Variants in LCP2 observed in about 807,000 individuals in gnomAD.
The protein encoded by LCP2 is 76 kDa tyrosine phosphoprotein.
A neutral mutation model predicts 74.5 loss-of-function variants in LCP2; 29 were observed. That is an observed-to-expected ratio of 0.39 (90% CI 0.29 to 0.53). The LOEUF is 0.53. Among genes scored for constraint, LCP2 ranks in the 20% least tolerant of loss-of-function variants. The pLI, the probability that LCP2 is intolerant of heterozygous loss-of-function variation, is 0.72. For missense variants in LCP2, 604 were observed against 634.6 expected, an observed-to-expected ratio of 0.95 and a Z score of 0.52; for synonymous variants, 228 against 229.5, an observed-to-expected ratio of 0.99 and a Z score of 0.06.
In LCP2 at chr5:170,258,434, T is replaced by C. The variant is rs571786202; in HGVS notation, c.971-268A>G. On this transcript the variant is annotated intron_variant, in intron 15 of 20. Transcript: ENST00000046794. The stretch of plus-strand genomic sequence containing the variant: ...TTGATTTTGTTTTTCATTTTTGAAA[T>C]GTTAACTTGGCAGAAAATTGTCAGC... 9 of 382,010 alleles carry C rather than the reference T, an allele frequency of 2.4e-5. No individual in the cohort carries two copies. In the East Asian group the frequency reaches 3.6e-4, roughly 15 times the overall value. The allele number at this position is 382,010 out of a possible 1,614,324, so 23.7% of individuals were successfully genotyped here.
chr5:170,267,169 T>A (rs1413045899), intron 8 of LCP2, 94 bp from the exon 9 acceptor site: 9 of 1,218,194 alleles, frequency 7.4e-6, no homozygotes, highest in Non-Finnish European at 1.1e-5. Context: ...CTTTTCCTCA[T>A]CTTCATGTTC....
Position 170,297,587 on chromosome 5 carries a change from G to T in LCP2, c.25C>A (p.Arg9Ser). The change falls in exon 1 of 21, where the codon CGC becomes AGC. Residue 9 changes from arginine (R) to serine (S), a missense_variant. Arg to Ser is a moderately radical substitution (Grantham distance 110, BLOSUM62 -1). Transcript: ENST00000046794. MALRNVPF[R>S]SEVLGWDPDS... ...GGGTCCCAGCCCAGGACCTCTGAGC[G>T]AAAGGGCACATTCCTCAGTGCCATG... 1 of 1,612,544 alleles carries T rather than the reference G, an allele frequency of 6.2e-7. No individual in the cohort carries two copies. Among genetic ancestry groups the T allele is most frequent in the Non-Finnish European group, 8.5e-7 (1 of 1,179,312 alleles).
rs1013136446 is a variant in LCP2, at chr5:170,297,462, C to T, written c.78+72G>A. On this transcript the variant is annotated intron_variant, in intron 1 of 20. Coordinates refer to ENST00000046794, the MANE Select transcript of LCP2 (RefSeq NM_005565.5). Reference sequence around the variant, plus strand: ...ACACCTCCCACATTCTGCCCCAATTCCATCGTCAAGCCTCAGCTCAGCCCA... The same window carrying T: ...ACACCTCCCACATTCTGCCCCAATTTCATCGTCAAGCCTCAGCTCAGCCCA... 28 of 1,361,178 alleles carry T rather than the reference C, an allele frequency of 2.1e-5. No homozygotes were observed. In the African/African-American group the frequency reaches 3.6e-4, roughly 17 times the overall value. The allele number at this position is 1,361,178 out of a possible 1,614,324, so 84.3% of individuals were successfully genotyped here.
chr5:170,268,407 G>C lies in LCP2; in HGVS notation c.599C>G (p.Pro200Arg), dbSNP rs572700578. 1.3e-6 allele frequency: 1 copy of C among 771,534 alleles called. No individual in the cohort carries two copies. The highest frequency in any genetic ancestry group is 1.7e-6 in the Non-Finnish European group (1 of 587,058). 47.8% of individuals were successfully genotyped at this position (771,534 alleles called of 1,614,324 possible). Residue 200 changes from proline to arginine, a missense_variant, in exon 8 of 21, where the codon CCA becomes CGA. Pro to Arg is a moderately radical substitution (Grantham distance 103, BLOSUM62 -2). Transcript: ENST00000046794. ...TACCGAGTGATTCCGGCCGGCTGGT[G>C]GGGGCGGGAGGGCGGCCATCGGTCT... ...PQRPMAALPP[P>R]PAGRNHSPLP...
chr5:170,274,171 T>A, intron 6 of LCP2, 130 bp downstream of exon 6: 1 of 953,714 alleles, frequency 1.0e-6, no homozygotes, highest in Non-Finnish European at 1.6e-6. Flanking sequence ...GAGCACCTTT[T>A]CTGGGCCCTG....
chr5:170,262,727 A>G lies in LCP2; in HGVS notation c.834T>C (p.His278=), dbSNP rs1384006882. 6.2e-7 allele frequency: 1 copy of G among 1,613,804 alleles called. No individual in the cohort carries two copies. Among genetic ancestry groups the G allele is most frequent in the Non-Finnish European group, 8.5e-7 (1 of 1,179,828 alleles). Reference sequence around the variant, plus strand: ...AAGGAGGCTTTTGAATCTTGGGTAAATGCTCCCCGAGTGACCTGTGGAGTT... The same window carrying G: ...AAGGAGGCTTTTGAATCTTGGGTAAGTGCTCCCCGAGTGACCTGTGGAGTT... ...SIPAGRSLGE[H]LPKIQKPPLP... Residue 278 remains histidine, a synonymous_variant, in exon 13 of 21, where the codon CAT becomes CAC. Coordinates refer to ENST00000046794, the MANE Select transcript of LCP2 (RefSeq NM_005565.5).
chr5:170,274,060 T>C (rs1761942690), intron 6 of LCP2: 2 of 551,534 alleles, frequency 3.6e-6, no homozygotes, highest in Admixed American at 3.2e-5. Context: ...GTTTGCTCAT[T>C]GTCTGTGGCT....
At chr5:170,249,704 C>G (rs1040604984) in intron 20 of LCP2, among the ~76,000 whole-genome samples, 1 of 152,176 alleles carries the variant, frequency 6.6e-6, no homozygotes, top group African/African-American at 2.4e-5. Flanking sequence ...TATTTGCAGC[C>G]ATAGCCTGGA....
chr5:170,288,807 C>T (rs1053593598), intron 2 of LCP2, among the ~76,000 whole-genome samples: 13 of 152,156 alleles, frequency 8.5e-5, no homozygotes, highest in Non-Finnish European at 1.3e-4. Flanking sequence ...CATCCTACCA[C>T]GTCTGATCCT....
At chr5:170,266,934 G>T in intron 9 of LCP2, 43 bp from the exon 10 acceptor site, 1 of 1,609,616 alleles carries the variant, frequency 6.2e-7, no homozygotes, top group South Asian at 1.1e-5. Flanking sequence ...GAAGAAAGCA[G>T]TCGGCTGGGG....
At chr5:170,267,964 T>C (rs1428980065) in intron 8 of LCP2, among the ~76,000 whole-genome samples, 1 of 152,104 alleles carries the variant, frequency 6.6e-6, no homozygotes, top group Non-Finnish European at 1.5e-5. Context: ...GGCTGTATGC[T>C]CGAAGAAGGA....
chr5:170,297,717 C>A lies in LCP2; in HGVS notation c.-106G>T. On this transcript the variant is annotated 5_prime_UTR_variant, in exon 1 of 21. Coordinates refer to ENST00000046794, the MANE Select transcript of LCP2 (RefSeq NM_005565.5). ...GAGGCGTTCTTGGCTCTTCCAACTC[C>A]CAGCTACCCTGTGGAACACCCCTGT... 1.1e-6 allele frequency: 1 copy of A among 891,902 alleles called. No homozygotes were observed. Among genetic ancestry groups the A allele is most frequent in the Non-Finnish European group, 1.7e-6 (1 of 583,828 alleles). 55.2% of individuals were successfully genotyped at this position (891,902 alleles called of 1,614,324 possible).
chr5:170,287,702 G>A (rs1237859476), intron 3 of LCP2: 2 of 517,270 alleles, frequency 3.9e-6, no homozygotes, highest in South Asian at 2.2e-5. Flanking sequence ...AGCACCCCAT[G>A]AGAAGAGAGG....
At chr5:170,251,059 A>G (rs1761427303) in intron 19 of LCP2, 174 bp from the exon 20 acceptor site, 1 of 574,612 alleles carries the variant, frequency 1.7e-6, no homozygotes, top group African/African-American at 1.9e-5. Flanking sequence ...ACAGCTACAT[A>G]TCCCATGTGT....
intron 1 of LCP2, among the ~76,000 whole-genome samples, chr5:170,296,509 G>C (rs939352562): frequency 3.9e-5 from 6 of 152,194 alleles, no homozygotes; most frequent in African/African-American, 1.4e-4. Context: ...AGCTGAATTA[G>C]ATGACTTCTA....
intron 1 of LCP2, among the ~76,000 whole-genome samples, chr5:170,294,850 G>A (rs536187068): frequency 6.6e-6 from 1 of 152,332 alleles, no homozygotes; most frequent in South Asian, 2.1e-4. Flanking sequence ...TTTGAAGAGT[G>A]CTAACTTTGT....
chr5:170,291,016 G>GAGAT (rs1762285615), intron 2 of LCP2, among the ~76,000 whole-genome samples: 1 of 146,100 alleles, frequency 6.8e-6, no homozygotes. Context: ...AAGAAAGAGA[G>GAGAT]AAAGAAAGAG....
At position 170,297,176 on chromosome 5, in the gene LCP2, G is replaced by C. The variant is rs145855583; in HGVS notation, c.78+358C>G. ...TATCACATGTAGTCCCTAGGGCTTC[G>C]GACCATTTCACTTCCCTGAGCTGAT... On this transcript the variant is annotated intron_variant, in intron 1 of 20. Coordinates refer to ENST00000046794, the MANE Select transcript of LCP2 (RefSeq NM_005565.5). 2.1e-3 allele frequency among the ~76,000 whole-genome samples: 315 copies of C among 152,228 alleles called. 2 individuals are homozygous for C. The highest frequency in any genetic ancestry group is 6.9e-3 in the African/African-American group (288 of 41,520).
chr5:170,297,665 G>C lies in LCP2; in HGVS notation c.-54C>G. 6.8e-7 allele frequency: 1 copy of C among 1,475,920 alleles called. No individual in the cohort carries two copies. 91.4% of individuals were successfully genotyped at this position (1,475,920 alleles called of 1,614,324 possible). A position where few individuals can be genotyped will look rare whatever the true frequency, so the allele number is the denominator to read the frequency against. On this transcript the variant is annotated 5_prime_UTR_variant, in exon 1 of 21. Coordinates refer to ENST00000046794, the MANE Select transcript of LCP2 (RefSeq NM_005565.5). Reference sequence around the variant, plus strand: ...GCTGAGCATGGGCGCTTCACCCATGGGCAGAGAAGCTCAAATCCAGAGCTC... The same window carrying C: ...GCTGAGCATGGGCGCTTCACCCATGCGCAGAGAAGCTCAAATCCAGAGCTC...
Sources: allele counts gnomAD v4.1 joint callset (sites outside exome capture counted in the v4.1 genomes callset), GRCh38; gene constraint gnomAD v4.1.1; transcripts MANE v1.5; gene names NCBI Gene and HGNC (gene_info 2026-07-23, HGNC 2026-07-21).